EDIL3: variants seen among roughly 807,000 people sequenced by gnomAD.
EDIL3 encodes the protein EGF-like repeat and discoidin I-like domain-containing protein 3.
Under a neutral mutation model 67.4 loss-of-function variants are expected in EDIL3, and 37 were observed. That is an observed-to-expected ratio of 0.55 (90% CI 0.42 to 0.72). EDIL3 has a LOEUF of 0.72. Among genes scored for constraint, EDIL3 ranks in the 30% least tolerant of loss-of-function variants. The pLI, the probability that EDIL3 is intolerant of heterozygous loss-of-function variation, is 0.00. For synonymous variants in EDIL3, 195 were observed against 196.3 expected (o/e 0.99, Z 0.05); for missense variants, 527 against 586.3 (o/e 0.90, Z 1.04).
chr5:84,384,145 A>T (rs1013317760), intron 1 of EDIL3, among the ~76,000 whole-genome samples, 163 bp downstream of exon 1: 20 of 151,786 alleles, frequency 1.3e-4, no homozygotes, highest in African/African-American at 4.4e-4. Context: ...AGACTTTACA[A>T]GCACTTTCTC....
chr5:84,081,245 TAG>T (rs1746962958), intron 6 of EDIL3, among the ~76,000 whole-genome samples: 1 of 152,186 alleles, frequency 6.6e-6, no homozygotes, highest in African/African-American at 2.4e-5. Context: ...TACCAGCTGT[TAG>T]AGTTTCTTCA....
chr5:84,080,579 T>C (rs1269164675), intron 6 of EDIL3, among the ~76,000 whole-genome samples: 16 of 150,964 alleles, frequency 1.1e-4, no homozygotes, highest in Admixed American at 8.6e-4. Context: ...TCTACTTATG[T>C]AATCTAATTA....
At chr5:84,348,185 G>A (rs1165661973) in intron 1 of EDIL3, among the ~76,000 whole-genome samples, 1 of 152,140 alleles carries the variant, frequency 6.6e-6, no homozygotes, top group Non-Finnish European at 1.5e-5. Flanking sequence ...TACATTTCAG[G>A]GAATTTTACC....
intron 9 of EDIL3, among the ~76,000 whole-genome samples, chr5:83,994,145 T>C (rs888267877): frequency 1.3e-5 from 2 of 152,164 alleles, no homozygotes; most frequent in African/African-American, 2.4e-5. Context: ...CATTTTACGC[T>C]TCCTTTATGA....
intron 4 of EDIL3, among the ~76,000 whole-genome samples, chr5:84,141,182 A>C (rs2112319994): frequency 6.6e-6 from 1 of 152,064 alleles, no homozygotes; most frequent in Admixed American, 6.6e-5. Flanking sequence ...AAACTGATAA[A>C]GTAGCCCCCA....
chr5:84,160,983 G>C (rs1748603182), intron 4 of EDIL3, among the ~76,000 whole-genome samples: 1 of 151,648 alleles, frequency 6.6e-6, no homozygotes, highest in South Asian at 2.1e-4. Context: ...GTAGTCTTTT[G>C]TCCCTCACTC....
intron 6 of EDIL3, among the ~76,000 whole-genome samples, chr5:84,073,177 G>C (rs958040051): frequency 3.9e-5 from 6 of 152,090 alleles, no homozygotes; most frequent in Non-Finnish European, 8.8e-5. Context: ...CAATAAATTA[G>C]GTATTGATGG....
At chr5:84,164,551 C>T (rs564321833) in intron 4 of EDIL3, among the ~76,000 whole-genome samples, 165 of 152,134 alleles carry the variant, frequency 1.1e-3, no homozygotes, top group African/African-American at 3.9e-3. Context: ...TGGTCAAGTT[C>T]AAAAGACAAG....
At chr5:84,160,942 C>G (rs1748602432) in intron 4 of EDIL3, among the ~76,000 whole-genome samples, 1 of 151,544 alleles carries the variant, frequency 6.6e-6, no homozygotes, top group Non-Finnish European at 1.5e-5. Flanking sequence ...TTTGGTGCAC[C>G]CATCACTGCA....
At chr5:84,294,213 C>A (rs1239751902) in intron 1 of EDIL3, among the ~76,000 whole-genome samples, 2 of 151,580 alleles carry the variant, frequency 1.3e-5, no homozygotes, top group Admixed American at 1.3e-4. Flanking sequence ...GAAACCCCGT[C>A]TCTACTAAAA....
intron 6 of EDIL3, among the ~76,000 whole-genome samples, chr5:84,082,309 T>C (rs375106900): frequency 2.0e-5 from 3 of 152,286 alleles, no homozygotes; most frequent in South Asian, 4.1e-4. Flanking sequence ...ATATCACAAA[T>C]AAAAAGTTAA....
intron 1 of EDIL3, among the ~76,000 whole-genome samples, chr5:84,379,227 A>G (rs1748029622): frequency 6.6e-6 from 1 of 152,208 alleles, no homozygotes; most frequent in Non-Finnish European, 1.5e-5. Context: ...TGGAACTACA[A>G]GTTATCAGTT....
At chr5:84,346,375 A>C (rs1459200521) in intron 1 of EDIL3, among the ~76,000 whole-genome samples, 1 of 152,104 alleles carries the variant, frequency 6.6e-6, no homozygotes, top group South Asian at 2.1e-4. Context: ...ACGATACATG[A>C]AAGAATGGGC....
At position 83,941,585 on chromosome 5, in the gene EDIL3, C is replaced by T. The variant is rs567052792; in HGVS notation, c.*1834G>A. On this transcript the variant is annotated 3_prime_UTR_variant, in exon 11 of 11. Coordinates refer to ENST00000296591, the MANE Select transcript of EDIL3 (RefSeq NM_005711.5). ...TCTGAACCTAAGTAATTATTTGTCA[C>T]GACTTTAAAATTTAGCCAGTTACAA... The T allele has an allele frequency of 2.6e-5, 4 of 151,952 alleles. No individual in the cohort carries two copies. The highest frequency in any genetic ancestry group is 2.1e-4 in the South Asian group (1 of 4,816). 9.4% of individuals were successfully genotyped at this position (151,952 alleles called of 1,614,324 possible).
At chr5:84,258,494 A>G (rs1745163014) in intron 1 of EDIL3, among the ~76,000 whole-genome samples, 2 of 152,142 alleles carry the variant, frequency 1.3e-5, no homozygotes, top group Non-Finnish European at 2.9e-5. Context: ...CACTAGGGCA[A>G]TCCAGGTAGA....
In EDIL3 at chr5:83,986,585, T is replaced by C. The variant is rs1745061032; in HGVS notation, c.1138-23225A>G. ...TCCAATATTTATTGAGTGTCTACTC[T>C]GTGCTAGGCACTCGGGTTACTAAAA... is the stretch of plus-strand genomic sequence containing the variant. On this transcript the variant is annotated intron_variant, in intron 9 of 10. Transcript: ENST00000296591. 2.0e-5 allele frequency among the ~76,000 whole-genome samples: 3 copies of C among 152,156 alleles called. 1 individual carries two copies. In the South Asian group the frequency reaches 6.2e-4, roughly 31 times the overall value.
chr5:84,323,471 T>A (rs914168629), intron 1 of EDIL3, among the ~76,000 whole-genome samples: 1 of 151,698 alleles, frequency 6.6e-6, no homozygotes, highest in Admixed American at 6.6e-5. Flanking sequence ...AAATCAATTA[T>A]ACAAAGAAGA....
intron 4 of EDIL3, among the ~76,000 whole-genome samples, chr5:84,161,835 G>A (rs1293725605): frequency 4.6e-5 from 7 of 152,022 alleles, no homozygotes; most frequent in African/African-American, 1.7e-4. Context: ...GTTATCATAA[G>A]GCTAATAAAT....
intron 9 of EDIL3, among the ~76,000 whole-genome samples, chr5:84,051,354 G>A (rs1031471648): frequency 8.5e-5 from 13 of 152,052 alleles, no homozygotes; most frequent in Non-Finnish European, 1.6e-4. Context: ...CCACAAAGAT[G>A]GGGAAAAAAC....
Sources: gnomAD v4.1 joint callset for allele counts (sites outside exome capture counted in the v4.1 genomes callset) on GRCh38, gnomAD v4.1.1 for gene constraint, MANE v1.5 for transcripts, NCBI Gene and HGNC (gene_info 2026-07-23, HGNC 2026-07-21) for gene names.